PRTG: variants seen among roughly 807,000 people sequenced by gnomAD.
The protein encoded by PRTG is protogenin.
PRTG carries 67 observed loss-of-function variants against 122.5 expected under a neutral mutation model. That is an observed-to-expected ratio of 0.55 (90% CI 0.45 to 0.67). PRTG has a LOEUF of 0.67. Among genes scored for constraint, PRTG ranks in the 30% least tolerant of loss-of-function variants. PRTG has a pLI of 0.00. For missense variants in PRTG, 1,435 were observed against 1,415.4 expected (o/e 1.01, Z -0.22); for synonymous variants, 554 against 501.1 (o/e 1.11, Z -1.41).
Position 55,620,034 on chromosome 15 carries a change from CTT to C in PRTG, c.3429_3430del (p.Ile1143MetfsTer22), listed in dbSNP as rs1567070780. 6 of 1,614,120 alleles carry C rather than the reference CTT, an allele frequency of 3.7e-6. No individual in the cohort carries two copies. The highest frequency in any genetic ancestry group is 1.7e-4 in the Middle Eastern group (1 of 6,058). Reference sequence around the variant, plus strand: ...GAATCAGAGGTTGGGGGGTGTGGTACTTATAACTGAGGACAGATGTATCTCAT... The same window carrying C: ...GAATCAGAGGTTGGGGGGTGTGGTACATAACTGAGGACAGATGTATCTCAT... On this transcript the variant is annotated frameshift_variant, in exon 20 of 20. Transcript: ENST00000389286. LOFTEE classifies it high-confidence loss of function.
chr15:55,673,841 G>T (rs1486049560), intron 9 of PRTG, among the ~76,000 whole-genome samples, 165 bp from the exon 10 acceptor site: 1 of 152,048 alleles, frequency 6.6e-6, no homozygotes, highest in East Asian at 1.9e-4. Context: ...GAAAAAAGAA[G>T]AAAAAATAAT....
chr15:55,622,655 C>A lies in PRTG; in HGVS notation c.3093+1687G>T, dbSNP rs367885830. 2.0e-5 allele frequency among the ~76,000 whole-genome samples: 3 copies of A among 151,394 alleles called. No individual in the cohort carries two copies. The South Asian group carries it at 6.3e-4, about 32-fold the overall frequency. On this transcript the variant is annotated intron_variant, in intron 18 of 19. Coordinates refer to ENST00000389286, the MANE Select transcript of PRTG (RefSeq NM_173814.6). ...ATCCGCCCGCCTTGGTCTCCCAAAGCGCTGGGATTACAGGCGTGAGCCACC... is the reference window on the plus strand; with the variant it reads ...ATCCGCCCGCCTTGGTCTCCCAAAGAGCTGGGATTACAGGCGTGAGCCACC...
rs2059124918 is a variant in PRTG at position 55,612,600 on chromosome 15, A to G, written c.*7412T>C. The G allele has an allele frequency of 6.6e-6, 1 of 151,320 alleles. No homozygotes were observed. The highest frequency in any genetic ancestry group is 2.4e-5 in the African/African-American group (1 of 41,006). 9.4% of individuals were successfully genotyped at this position (151,320 alleles called of 1,614,324 possible). A position where few individuals can be genotyped will look rare whatever the true frequency, so the allele number is the denominator to read the frequency against. On this transcript the variant is annotated 3_prime_UTR_variant, in exon 20 of 20. Transcript: ENST00000389286. ...TATTAAAATACTCCATAATCTTGAA[A>G]AAGATCTTTTAGAGAAAAATCCTAA...
Position 55,628,889 on chromosome 15 carries a change from TG to T in PRTG, c.2738del (p.Ala913GlufsTer17). On this transcript the variant is annotated frameshift_variant, in exon 16 of 20. Coordinates refer to ENST00000389286, the MANE Select transcript of PRTG (RefSeq NM_173814.6). LOFTEE classifies it high-confidence loss of function. ...EGPFSNSVEL[A>X]VLPKETSESN... ...ATTCAGAGGTTTCCTTTGGAAGTAC[TG>T]CCAGCTCCACAGAATTTGAAAAGGG... The T allele has an allele frequency of 6.2e-7, 1 of 1,614,136 alleles. No homozygotes were observed. The highest frequency in any genetic ancestry group is 2.2e-5 in the East Asian group (1 of 44,882).
At chr15:55,630,152 A>G (rs1185260998) in intron 15 of PRTG, among the ~76,000 whole-genome samples, 1 of 151,942 alleles carries the variant, frequency 6.6e-6, no homozygotes, top group Non-Finnish European at 1.5e-5. Flanking sequence ...ATGCCTGGCT[A>G]ATTTTTTATA....
intron 12 of PRTG, 38 bp downstream of exon 12, chr15:55,641,075 G>T: frequency 7.3e-7 from 1 of 1,370,662 alleles, no homozygotes; most frequent in Non-Finnish European, 1.0e-6. Flanking sequence ...AGAACGGTGT[G>T]AGCCATAGTA....
intron 2 of PRTG, among the ~76,000 whole-genome samples, chr15:55,714,022 C>A (rs2141858286): frequency 6.6e-6 from 1 of 152,240 alleles, no homozygotes; most frequent in Non-Finnish European, 1.5e-5. Context: ...AGGTACTTAA[C>A]CCTGTACATT....
At chr15:55,642,099 G>A (rs2059294142) in intron 11 of PRTG, among the ~76,000 whole-genome samples, 1 of 148,030 alleles carries the variant, frequency 6.8e-6, no homozygotes, top group Admixed American at 6.7e-5. Flanking sequence ...GCGTGAACCC[G>A]GGAAGCGGAG....
At chr15:55,727,261 T>A (rs1392782118) in intron 2 of PRTG, among the ~76,000 whole-genome samples, 3 of 151,778 alleles carry the variant, frequency 2.0e-5, no homozygotes, top group Non-Finnish European at 4.4e-5. Flanking sequence ...AACAAAACTT[T>A]AGCTAGACTG....
Position 55,624,355 on chromosome 15 carries a change from A to G in PRTG, c.3080T>C (p.Phe1027Ser). Reference protein sequence around the residue: ...SLMPMIMPNSFIDAKGGTDLI... With the variant: ...SLMPMIMPNSSIDAKGGTDLI... ...GCAGCTCAGTACCTTTGCATCAATG[A>G]AGCTGTTTGGCATGATCATTGGCAT... The change falls in exon 18 of 20, where the codon TTC becomes TCC. Residue 1027 changes from phenylalanine to serine, a missense_variant. Transcript: ENST00000389286. 1.2e-6 allele frequency: 2 copies of G among 1,614,014 alleles called. No individual in the cohort carries two copies. Among genetic ancestry groups the G allele is most frequent in the Non-Finnish European group, 1.7e-6 (2 of 1,179,936 alleles).
intron 11 of PRTG, among the ~76,000 whole-genome samples, chr15:55,667,374 T>G (rs2059444812): frequency 6.6e-6 from 1 of 152,056 alleles, no homozygotes. Context: ...GTAGCAGGAT[T>G]TTTTTTAGAA....
intron 2 of PRTG, among the ~76,000 whole-genome samples, chr15:55,734,043 T>C (rs2031329605): frequency 6.6e-6 from 1 of 152,154 alleles, no homozygotes; most frequent in Admixed American, 6.5e-5. Context: ...AGTAGAACTT[T>C]CTTGGTTGTC....
At chr15:55,626,019 C>T (rs186161611) in intron 17 of PRTG, among the ~76,000 whole-genome samples, 1 of 152,282 alleles carries the variant, frequency 6.6e-6, no homozygotes, top group East Asian at 1.9e-4. Flanking sequence ...TCCCAAAGGT[C>T]TGGGATTACC....
At position 55,672,502 on chromosome 15, in the gene PRTG, C is replaced by G; in HGVS notation, c.1984G>C (p.Glu662Gln). 6.2e-7 allele frequency: 1 copy of G among 1,614,092 alleles called. No homozygotes were observed. Among genetic ancestry groups the G allele is most frequent in the Non-Finnish European group, 8.5e-7 (1 of 1,179,992 alleles). Reference sequence around the variant, plus strand: ...GTATCCAAGAAAATGGGCCCATTCTCCTGCTGCCCTTCTTCCTTGTAGTAC... The same window carrying G: ...GTATCCAAGAAAATGGGCCCATTCTGCTGCTGCCCTTCTTCCTTGTAGTAC... ...KLYYKEEGQQ[E>Q]NGPIFLDTKD... Residue 662 changes from glutamate (E) to glutamine (Q), a missense_variant, in exon 11 of 20, where the codon GAG becomes CAG. Transcript: ENST00000389286.
intron 9 of PRTG, 151 bp downstream of exon 9, chr15:55,675,367 CA>C (rs2059496620): frequency 2.0e-6 from 1 of 504,970 alleles, no homozygotes. Flanking sequence ...ATGTTACTGG[CA>C]AAAAGCAAGA....
chr15:55,613,514 T>C lies in PRTG; in HGVS notation c.*6498A>G, dbSNP rs897732549. 1 of 152,086 alleles carries C rather than the reference T, an allele frequency of 6.6e-6. No homozygotes were observed. Among genetic ancestry groups the C allele is most frequent in the Admixed American group, 6.6e-5 (1 of 15,242 alleles). The allele number at this position is 152,086 out of a possible 1,614,324, so 9.4% of individuals were successfully genotyped here. ...AAGTACAAACAGCCTTCAGACACAA[T>C]TTTAGCTGAGATAAATGGAAGGTTT... On this transcript the variant is annotated 3_prime_UTR_variant, in exon 20 of 20. Coordinates refer to ENST00000389286, the MANE Select transcript of PRTG (RefSeq NM_173814.6).
chr15:55,655,450 T>G (rs2059374456), intron 11 of PRTG: 1 of 152,200 alleles, frequency 6.6e-6, no homozygotes, highest in Non-Finnish European at 1.5e-5. Context: ...TTTCTTATAT[T>G]CAATCTGAAA....
At chr15:55,661,134 AAAAC>A (rs762571961) in intron 11 of PRTG, among the ~76,000 whole-genome samples, 1 of 152,154 alleles carries the variant, frequency 6.6e-6, no homozygotes, top group Non-Finnish European at 1.5e-5. Flanking sequence ...TGCTTTCCCT[AAAAC>A]AAACAAACAG....
intron 15 of PRTG, among the ~76,000 whole-genome samples, chr15:55,636,769 C>A (rs545662503): frequency 3.9e-5 from 6 of 152,098 alleles, no homozygotes; most frequent in African/African-American, 1.4e-4. Context: ...GCCTCAGCCT[C>A]CTAAGTAGCT....
Sources: gnomAD v4.1 joint callset for allele counts (sites outside exome capture counted in the v4.1 genomes callset) on GRCh38, gnomAD v4.1.1 for gene constraint, MANE v1.5 for transcripts, NCBI Gene and HGNC (gene_info 2026-07-23, HGNC 2026-07-21) for gene names.